Variants in SKP1 observed in about 807,000 individuals in gnomAD.
SKP1 encodes S-phase kinase-associated protein 1.
A neutral mutation model predicts 21.5 loss-of-function variants in SKP1; 1 was observed. That is an observed-to-expected ratio of 0.05 (90% CI 0.02 to 0.22). The LOEUF (loss-of-function observed/expected upper bound fraction) is 0.22. Among genes scored for constraint, SKP1 ranks in the 10% least tolerant of loss-of-function variants. SKP1 has a pLI of 1.00. For missense variants in SKP1, 70 were observed against 192.0 expected (o/e 0.36, Z 3.76); for synonymous variants, 59 against 59.3 (o/e 0.99, Z 0.03).
chr5:134,167,678 C>G (rs1761358754), intron 2 of SKP1, among the ~76,000 whole-genome samples: 1 of 152,150 alleles, frequency 6.6e-6, no homozygotes, highest in African/African-American at 2.4e-5. Flanking sequence ...CACCCGCCAC[C>G]ACGCCCGGCT....
chr5:134,163,865 C>G (rs1172879862), intron 3 of SKP1, among the ~76,000 whole-genome samples: 1 of 152,000 alleles, frequency 6.6e-6, no homozygotes, highest in Non-Finnish European at 1.5e-5. Context: ...CCTACATCAC[C>G]CAACCCTTTA....
At chr5:134,161,663 T>C (rs998634191) in intron 3 of SKP1, 2 of 152,274 alleles carry the variant, frequency 1.3e-5, no homozygotes, top group African/African-American at 4.8e-5. Flanking sequence ...AGAGTATAAA[T>C]TGGTATAACC....
rs996695173 is a variant in SKP1, at chr5:134,151,337, A to G, written c.*6396T>C. 6.5e-6 allele frequency: 1 copy of G among 152,742 alleles called. No homozygotes were observed. Among genetic ancestry groups the G allele is most frequent in the Non-Finnish European group, 1.5e-5 (1 of 68,412 alleles). 9.5% of individuals were successfully genotyped at this position (152,742 alleles called of 1,614,324 possible). On this transcript the variant is annotated 3_prime_UTR_variant, in exon 6 of 6. Transcript: ENST00000353411. Reference sequence around the variant, plus strand: ...TAAATAAATAAATAAAAATTTTTACAAAGCCACTCTGGAAACCCTGCTTGA... The same window carrying G: ...TAAATAAATAAATAAAAATTTTTACGAAGCCACTCTGGAAACCCTGCTTGA...
chr5:134,167,432 C>A (rs1040712202), intron 2 of SKP1, among the ~76,000 whole-genome samples, 189 bp from the exon 3 acceptor site: 1 of 152,104 alleles, frequency 6.6e-6, no homozygotes, highest in South Asian at 2.1e-4. Flanking sequence ...AACATGTAGA[C>A]TTGTTTCCTG....
chr5:134,169,103 GGGAACCAA>G (rs1209078906), intron 2 of SKP1, among the ~76,000 whole-genome samples: 2 of 152,100 alleles, frequency 1.3e-5, no homozygotes, highest in Non-Finnish European at 2.9e-5. Flanking sequence ...GTGGAATTTT[GGGAACCAA>G]GTCAAGAGGG....
At chr5:134,171,044 G>A (rs761112182) in intron 2 of SKP1, 2 of 455,818 alleles carry the variant, frequency 4.4e-6, no homozygotes, top group African/African-American at 4.0e-5. Context: ...AGTGACTGTG[G>A]GATGTACCAA....
rs1580922319 is a variant in SKP1 at position 134,153,545 on chromosome 5, C to T, written c.*4188G>A. 6.6e-6 allele frequency: 1 copy of T among 152,264 alleles called. No homozygotes were observed. The highest frequency in any genetic ancestry group is 1.5e-5 in the Non-Finnish European group (1 of 68,026). The allele number at this position is 152,264 out of a possible 1,614,324, so 9.4% of individuals were successfully genotyped here. A position where few individuals can be genotyped will look rare whatever the true frequency, so the allele number is the denominator to read the frequency against. On this transcript the variant is annotated 3_prime_UTR_variant, in exon 6 of 6. Coordinates refer to ENST00000353411, the MANE Select transcript of SKP1 (RefSeq NM_170679.3). Reference sequence around the variant, plus strand: ...GCACACTGCCTATGGGGTAGTCCTGCTCTGCAAGGAGCAGTTAAAAAAAAT... The same window carrying T: ...GCACACTGCCTATGGGGTAGTCCTGTTCTGCAAGGAGCAGTTAAAAAAAAT...
chr5:134,163,456 A>C (rs1761260018), intron 3 of SKP1, among the ~76,000 whole-genome samples: 1 of 151,528 alleles, frequency 6.6e-6, no homozygotes, highest in African/African-American at 2.4e-5. Context: ...TTATTCTTCA[A>C]AATATGATAT....
chr5:134,169,735 C>A (rs1475743403), intron 2 of SKP1, among the ~76,000 whole-genome samples: 2 of 152,226 alleles, frequency 1.3e-5, no homozygotes, highest in African/African-American at 2.4e-5. Flanking sequence ...GGCATGGCGG[C>A]TCACGCCTGT....
At position 134,158,765 on chromosome 5, in the gene SKP1, CTTCT is replaced by C. The variant is rs563181265; in HGVS notation, c.316-174_316-171del. ...CTTCTGTGAAAGACTTTTATGTGACCTTCTTTGTTATACCTCTATAATGTTGAAT... is the reference window on the plus strand; with the variant it reads ...CTTCTGTGAAAGACTTTTATGTGACCTTGTTATACCTCTATAATGTTGAAT... On this transcript the variant is annotated intron_variant, in intron 4 of 5. Transcript: ENST00000353411. 387 of 639,366 alleles carry C rather than the reference CTTCT, an allele frequency of 6.1e-4. 1 individual carries two copies. In the African/African-American group the frequency reaches 6.2e-3, roughly 10 times the overall value. The allele number at this position is 639,366 out of a possible 1,614,324, so 39.6% of individuals were successfully genotyped here.
At chr5:134,162,072 G>T (rs1469574024) in intron 3 of SKP1, among the ~76,000 whole-genome samples, 1 of 150,698 alleles carries the variant, frequency 6.6e-6, no homozygotes, top group African/African-American at 2.4e-5. Flanking sequence ...AAAAAAAAAA[G>T]AAAGAACAAT....
At chr5:134,163,215 A>AAT (rs1458557941) in intron 3 of SKP1, among the ~76,000 whole-genome samples, 1 of 117,506 alleles carries the variant, frequency 8.5e-6, no homozygotes, top group East Asian at 2.4e-4. Context: ...ATTCTGTCAA[A>AAT]AAAAAAAAAA....
chr5:134,175,759 T>C (rs942230398), intron 1 of SKP1, among the ~76,000 whole-genome samples: 1 of 152,220 alleles, frequency 6.6e-6, no homozygotes, highest in Non-Finnish European at 1.5e-5. Context: ...AACTCAAAGA[T>C]AAGTTTTAGT....
rs1405267388 is a variant in SKP1 at position 134,157,013 on chromosome 5, A to G, written c.*720T>C. Reference sequence around the variant, plus strand: ...TGAATAATTTTCTCCACATGGGAACACTAATTATAAAAAGATGACATCCCA... The same window carrying G: ...TGAATAATTTTCTCCACATGGGAACGCTAATTATAAAAAGATGACATCCCA... On this transcript the variant is annotated 3_prime_UTR_variant, in exon 6 of 6. Transcript: ENST00000353411. The G allele has an allele frequency of 1.3e-5, 2 of 152,680 alleles. No homozygotes were observed. Among genetic ancestry groups the G allele is most frequent in the African/African-American group, 4.8e-5 (2 of 41,462 alleles). The allele number at this position is 152,680 out of a possible 1,614,324, so 9.5% of individuals were successfully genotyped here. A position where few individuals can be genotyped will look rare whatever the true frequency, so the allele number is the denominator to read the frequency against.
rs565963833 is a variant in SKP1, at chr5:134,152,952, C to T, written c.*4781G>A. On this transcript the variant is annotated 3_prime_UTR_variant, in exon 6 of 6. Transcript: ENST00000353411. ...TAGAGGGAAACCATGTCTAATGCTTCCTACCAAGGAGAAGCCAGGAGCTAC... is the reference window on the plus strand; with the variant it reads ...TAGAGGGAAACCATGTCTAATGCTTTCTACCAAGGAGAAGCCAGGAGCTAC... 1 of 152,358 alleles carries T rather than the reference C, an allele frequency of 6.6e-6. No homozygotes were observed. The highest frequency in any genetic ancestry group is 1.9e-4 in the East Asian group (1 of 5,186). The allele number at this position is 152,358 out of a possible 1,614,324, so 9.4% of individuals were successfully genotyped here.
At chr5:134,173,448 A>G (rs1288976766) in intron 2 of SKP1, 1 of 277,858 alleles carries the variant, frequency 3.6e-6, no homozygotes, top group Non-Finnish European at 7.1e-6. Flanking sequence ...CCGTGACTGC[A>G]TCACTGCACT....
In SKP1 at chr5:134,149,568, A is replaced by G. The variant is rs1761008830; in HGVS notation, c.*8165T>C. ...TCATTTTCCAGAACAGCGTCTATTT[A>G]AAGTAGGCCACTGGAAGTTGTAACC... On this transcript the variant is annotated 3_prime_UTR_variant, in exon 6 of 6. Transcript: ENST00000353411. 1 of 152,260 alleles carries G rather than the reference A, an allele frequency of 6.6e-6. No homozygotes were observed. Among genetic ancestry groups the G allele is most frequent in the Non-Finnish European group, 1.5e-5 (1 of 68,048 alleles). The allele number at this position is 152,260 out of a possible 1,614,324, so 9.4% of individuals were successfully genotyped here.
chr5:134,170,173 AAAAATAAAAT>A, intron 2 of SKP1, among the ~76,000 whole-genome samples: 1 of 152,142 alleles, frequency 6.6e-6, no homozygotes, highest in Admixed American at 6.5e-5. Flanking sequence ...TCCATCTCAA[AAAAATAAAAT>A]AAAATAAAAT....
chr5:134,164,200 T>C (rs911665573), intron 3 of SKP1, among the ~76,000 whole-genome samples: 6 of 151,690 alleles, frequency 4.0e-5, no homozygotes, highest in Admixed American at 3.9e-4. Flanking sequence ...CGCGCGCCTG[T>C]AATCCCAGCT....
Sources: allele counts gnomAD v4.1 joint callset (sites outside exome capture counted in the v4.1 genomes callset), GRCh38; gene constraint gnomAD v4.1.1; transcripts MANE v1.5; gene names NCBI Gene and HGNC (gene_info 2026-07-23, HGNC 2026-07-21).